MEIS1: variants seen among roughly 807,000 people sequenced by gnomAD.
MEIS1 encodes the protein homeobox protein Meis1.
A neutral mutation model predicts 50.8 loss-of-function variants in MEIS1; 5 were observed. That is an observed-to-expected ratio of 0.10 (90% CI 0.05 to 0.21). The LOEUF is 0.21. Among genes scored for constraint, MEIS1 ranks in the 10% least tolerant of loss-of-function variants. The probability of loss-of-function intolerance (pLI) is 1.00; values close to 1 mark genes in which losing one functional copy is unlikely to be tolerated. For missense variants in MEIS1, 318 were observed against 517.3 expected, an observed-to-expected ratio of 0.61 and a Z score of 3.74; for synonymous variants, 176 against 179.3, an observed-to-expected ratio of 0.98 and a Z score of 0.15.
At chr2:66,436,144 T>A (rs72819298) in intron 1 of MEIS1, among the ~76,000 whole-genome samples, 10,949 of 152,084 alleles carry the variant, frequency 0.072, 404 homozygotes, top group Non-Finnish European at 0.079. Context: ...GGTTTTTTTT[T>A]AAAAAAGCTA....
chr2:66,501,894 C>T (rs546372207), intron 7 of MEIS1, among the ~76,000 whole-genome samples: 1 of 151,792 alleles, frequency 6.6e-6, no homozygotes, highest in South Asian at 2.1e-4. Flanking sequence ...TCTATGAAAA[C>T]CTAGTAAATA....
chr2:66,467,946 T>A (rs1445339510), intron 7 of MEIS1, among the ~76,000 whole-genome samples: 1 of 152,208 alleles, frequency 6.6e-6, no homozygotes, highest in Non-Finnish European at 1.5e-5. Flanking sequence ...TTCCTCAAAG[T>A]ACTTCCAAAG....
At chr2:66,439,155 C>T (rs1671882489) in intron 2 of MEIS1, 1 of 406,582 alleles carries the variant, frequency 2.5e-6, no homozygotes, top group African/African-American at 2.2e-5. Context: ...GCTGCTTTGC[C>T]ACTTCGCAGA....
chr2:66,494,870 G>C (rs774289421), intron 7 of MEIS1, among the ~76,000 whole-genome samples: 3 of 152,124 alleles, frequency 2.0e-5, no homozygotes, highest in Admixed American at 1.3e-4. Context: ...CCCAGGTTCT[G>C]ACCTTAAGGT....
At chr2:66,521,882 T>C (rs770766797) in intron 8 of MEIS1, among the ~76,000 whole-genome samples, 5 of 152,192 alleles carry the variant, frequency 3.3e-5, no homozygotes, top group Non-Finnish European at 7.4e-5. Context: ...GCAATACCTT[T>C]AATTACCAGT....
At chr2:66,569,437 T>C (rs1572912458) in intron 12 of MEIS1, 1 of 204,548 alleles carries the variant, frequency 4.9e-6, no homozygotes. Context: ...ACAGACTGAT[T>C]TGCAAAATGT....
At chr2:66,475,549 G>C (rs1672874551) in intron 7 of MEIS1, among the ~76,000 whole-genome samples, 1 of 152,028 alleles carries the variant, frequency 6.6e-6, no homozygotes, top group Admixed American at 6.6e-5. Flanking sequence ...ACAATGACTA[G>C]AAATAGGTAT....
chr2:66,438,572 T>G (rs1671860743), intron 2 of MEIS1, among the ~76,000 whole-genome samples: 1 of 152,198 alleles, frequency 6.6e-6, no homozygotes, highest in African/African-American at 2.4e-5. Context: ...GTTTTAGCAC[T>G]TTGTGCTCAA....
At chr2:66,570,324 T>A (rs1363470120) in intron 12 of MEIS1, 1 of 151,896 alleles carries the variant, frequency 6.6e-6, no homozygotes, top group Non-Finnish European at 1.5e-5. Flanking sequence ...ATGTATTTTA[T>A]GCTTCGTGAC....
At chr2:66,499,159 G>A (rs148949634) in intron 7 of MEIS1, among the ~76,000 whole-genome samples, 194 of 152,266 alleles carry the variant, frequency 1.3e-3, no homozygotes, top group African/African-American at 4.3e-3. Context: ...TCAAACCTTC[G>A]TTTTCAGAAA....
chr2:66,510,478 G>C (rs1039591862), intron 7 of MEIS1, among the ~76,000 whole-genome samples: 4 of 152,062 alleles, frequency 2.6e-5, no homozygotes, highest in African/African-American at 9.7e-5. Context: ...GTGAACACAA[G>C]ATATGTTTCT....
chr2:66,559,587 C>T (rs915520208), intron 9 of MEIS1, among the ~76,000 whole-genome samples: 3 of 152,142 alleles, frequency 2.0e-5, no homozygotes, highest in African/African-American at 4.8e-5. Flanking sequence ...AGAGACACTT[C>T]TGTTCTTTGA....
chr2:66,480,065 G>C (rs1469032856), intron 7 of MEIS1, among the ~76,000 whole-genome samples: 1 of 152,182 alleles, frequency 6.6e-6, no homozygotes, highest in Non-Finnish European at 1.5e-5. Context: ...GGTTCCTGGA[G>C]TGATAAGAGG....
chr2:66,540,013 T>C (rs1674613501), intron 8 of MEIS1, among the ~76,000 whole-genome samples: 2 of 152,112 alleles, frequency 1.3e-5, no homozygotes, highest in East Asian at 1.9e-4. Context: ...GCAGTGGGAG[T>C]GTAGCCAAGT....
intron 8 of MEIS1, among the ~76,000 whole-genome samples, chr2:66,540,922 T>C (rs1402589180): frequency 6.6e-6 from 1 of 152,168 alleles, no homozygotes; most frequent in Non-Finnish European, 1.5e-5. Context: ...TTAATATAAG[T>C]ATCTGACTTC....
At chr2:66,443,155 C>T in intron 6 of MEIS1, 107 bp downstream of exon 6, 2 of 1,239,306 alleles carry the variant, frequency 1.6e-6, no homozygotes, top group Middle Eastern at 2.0e-4. Context: ...TGATTAAGTC[C>T]CTTTTAGATA....
At chr2:66,483,915 C>G (rs1673077554) in intron 7 of MEIS1, among the ~76,000 whole-genome samples, 1 of 152,266 alleles carries the variant, frequency 6.6e-6, no homozygotes, top group African/African-American at 2.4e-5. Context: ...TCTTGTGTCT[C>G]TGGTCTCATC....
chr2:66,512,497 G>A (rs924061440), intron 8 of MEIS1, among the ~76,000 whole-genome samples: 2 of 152,110 alleles, frequency 1.3e-5, no homozygotes, highest in South Asian at 2.1e-4. Context: ...TCACGATTGC[G>A]ATTTTGTTAA....
chr2:66,440,077 A>ACACACACACC, intron 3 of MEIS1, 93 bp downstream of exon 3: 2 of 1,071,874 alleles, frequency 1.9e-6, no homozygotes, highest in African/African-American at 1.6e-5. Context: ...GAACACACAC[A>ACACACACACC]CACACACACA....
Sources: gnomAD v4.1 joint callset for allele counts (sites outside exome capture counted in the v4.1 genomes callset) on GRCh38, gnomAD v4.1.1 for gene constraint, MANE v1.5 for transcripts, NCBI Gene and HGNC (gene_info 2026-07-23, HGNC 2026-07-21) for gene names.